PCSK2: variants seen among roughly 807,000 people sequenced by gnomAD.
The protein encoded by PCSK2 is proprotein convertase subtilisin/kexin type 2.
Under a neutral mutation model 69.7 loss-of-function variants are expected in PCSK2, and 14 were observed. That is an observed-to-expected ratio of 0.20 (90% CI 0.13 to 0.31). PCSK2 has a LOEUF of 0.31. PCSK2 is among the 10% of genes least tolerant of loss of function. The pLI, the probability that PCSK2 is intolerant of heterozygous loss-of-function variation, is 1.00. For missense variants in PCSK2, 544 were observed against 842.5 expected, an observed-to-expected ratio of 0.65 and a Z score of 4.39; for synonymous variants, 307 against 320.7, an observed-to-expected ratio of 0.96 and a Z score of 0.46.
At chr20:17,408,343 T>G (rs2031797105) in intron 5 of PCSK2, among the ~76,000 whole-genome samples, 1 of 151,780 alleles carries the variant, frequency 6.6e-6, no homozygotes, top group Non-Finnish European at 1.5e-5. Context: ...GTGGATCATC[T>G]CCCATTACAG....
chr20:17,417,964 G>A (rs1306297568), intron 6 of PCSK2, among the ~76,000 whole-genome samples: 1 of 152,150 alleles, frequency 6.6e-6, no homozygotes, highest in Admixed American at 6.5e-5. Flanking sequence ...ATAAAAAGAG[G>A]TAATAACAAA....
intron 6 of PCSK2, among the ~76,000 whole-genome samples, chr20:17,429,105 C>A (rs1349575609): frequency 1.4e-5 from 2 of 143,558 alleles, no homozygotes; most frequent in African/African-American, 2.6e-5. Context: ...CCATTGGAAT[C>A]TTTTGCATCT....
chr20:17,431,312 G>C (rs2032361313), intron 7 of PCSK2, among the ~76,000 whole-genome samples: 1 of 152,162 alleles, frequency 6.6e-6, no homozygotes, highest in African/African-American at 2.4e-5. Context: ...TCATTGTTCG[G>C]GGGTGCCGTC....
chr20:17,428,054 C>A (rs1299591133), intron 6 of PCSK2, among the ~76,000 whole-genome samples: 1 of 152,228 alleles, frequency 6.6e-6, no homozygotes, highest in Non-Finnish European at 1.5e-5. Flanking sequence ...TGGCTGATTG[C>A]TAATTAGTGT....
At position 17,356,437 on chromosome 20, in the gene PCSK2, C is replaced by T. The variant is rs532238937; in HGVS notation, c.283-1890C>T. Among the ~76,000 whole-genome samples the T allele has an allele frequency of 3.9e-5, 6 of 152,266 alleles. No homozygotes were observed. In the South Asian group the frequency reaches 1.2e-3, roughly 32 times the overall value. ...ATTTCTCTGGTAAATGAGCTTCAGG[C>T]CTTCTCATGTCAGTGTGCAGAGTAA... On this transcript the variant is annotated intron_variant, in intron 2 of 11. Transcript: ENST00000262545.
chr20:17,242,384 G>A (rs1986612960), intron 1 of PCSK2, among the ~76,000 whole-genome samples: 1 of 152,198 alleles, frequency 6.6e-6, no homozygotes, highest in Non-Finnish European at 1.5e-5. Flanking sequence ...TTATTAACAA[G>A]TGTGTGTTGA....
At chr20:17,390,922 T>C (rs1223422393) in intron 5 of PCSK2, among the ~76,000 whole-genome samples, 1 of 152,176 alleles carries the variant, frequency 6.6e-6, no homozygotes, top group East Asian at 1.9e-4. Context: ...CACCGTATCA[T>C]GCAACCTGCT....
At chr20:17,229,422 C>T (rs1248202065) in intron 1 of PCSK2, among the ~76,000 whole-genome samples, 1 of 149,058 alleles carries the variant, frequency 6.7e-6, no homozygotes, top group Admixed American at 6.6e-5. Context: ...CTCCCCCACA[C>T]CTTTTCATGG....
chr20:17,258,798 T>C, intron 1 of PCSK2, among the ~76,000 whole-genome samples: 1 of 103,004 alleles, frequency 9.7e-6, no homozygotes, highest in East Asian at 3.9e-4. Flanking sequence ...GTGTGTGTGT[T>C]TAAGCAAGGA....
chr20:17,388,531 A>G (rs1195002036), intron 5 of PCSK2, among the ~76,000 whole-genome samples: 5 of 152,184 alleles, frequency 3.3e-5, no homozygotes, highest in African/African-American at 7.2e-5. Context: ...AGGGACACCT[A>G]ACATAAGATG....
Position 17,482,341 on chromosome 20 carries a change from T to TTAA in PCSK2, c.*271_*272insTAA, listed in dbSNP as rs2033422425. 1 of 40,476 alleles carries TTAA rather than the reference T, an allele frequency of 2.5e-5. No individual in the cohort carries two copies. The highest frequency in any genetic ancestry group is 5.4e-5 in the Non-Finnish European group (1 of 18,406). 2.5% of individuals were successfully genotyped at this position (40,476 alleles called of 1,614,324 possible). ...TCTGTCATTCAAATGGGTGATATCC[T>TTAA]GAAAAAAAAAAAAAAAAAAAAACTG... On this transcript the variant is annotated 3_prime_UTR_variant, in exon 12 of 12. Transcript: ENST00000262545.
chr20:17,268,031 G>GTATATATATATATATATATATA (rs750234336), intron 2 of PCSK2, among the ~76,000 whole-genome samples: 26 of 117,960 alleles, frequency 2.2e-4, no homozygotes, highest in Non-Finnish European at 3.6e-4. Flanking sequence ...TATATCCAAT[G>GTATATATATATATATATATATA]TGTATATATA....
At chr20:17,436,573 G>T in intron 7 of PCSK2, 135 bp from the exon 8 acceptor site, 1 of 674,868 alleles carries the variant, frequency 1.5e-6, no homozygotes, top group Non-Finnish European at 2.6e-6. Flanking sequence ...TTGATCCCTG[G>T]ACTGCACAGT....
At chr20:17,422,236 A>G (rs914408272) in intron 6 of PCSK2, among the ~76,000 whole-genome samples, 3 of 152,222 alleles carry the variant, frequency 2.0e-5, no homozygotes, top group Non-Finnish European at 2.9e-5. Flanking sequence ...TACAGCAAAC[A>G]TTATTCTTCA....
At chr20:17,421,305 A>T (rs930328266) in intron 6 of PCSK2, among the ~76,000 whole-genome samples, 4 of 152,204 alleles carry the variant, frequency 2.6e-5, no homozygotes, top group Non-Finnish European at 5.9e-5. Context: ...AGACTCAGGG[A>T]CTTCCCCAGA....
chr20:17,386,656 A>G lies in PCSK2; in HGVS notation c.543+17379A>G, dbSNP rs113100065. ...GGGTTGAGGGGGAAAATAGGGAGTT[A>G]TTGTTTAATGGGTATAGAGTTTTAG... On this transcript the variant is annotated intron_variant, in intron 5 of 11. Transcript: ENST00000262545. 3.6e-3 allele frequency among the ~76,000 whole-genome samples: 553 copies of G among 152,258 alleles called. 3 individuals are homozygous for G. The highest frequency in any genetic ancestry group is 0.012 in the African/African-American group (504 of 41,558).
chr20:17,269,345 T>G (rs2123020567), intron 2 of PCSK2, among the ~76,000 whole-genome samples: 1 of 152,220 alleles, frequency 6.6e-6, no homozygotes, highest in South Asian at 2.1e-4. Flanking sequence ...AAGAGATAAC[T>G]GGGGACCAGC....
intron 2 of PCSK2, among the ~76,000 whole-genome samples, chr20:17,298,295 C>T (rs1988962703): frequency 6.6e-6 from 1 of 152,130 alleles, no homozygotes; most frequent in Admixed American, 6.6e-5. Flanking sequence ...CCTCCACAGT[C>T]TACATTTTAT....
intron 5 of PCSK2, among the ~76,000 whole-genome samples, chr20:17,406,468 T>A (rs781197881): frequency 6.6e-6 from 1 of 152,202 alleles, no homozygotes; most frequent in African/African-American, 2.4e-5. Flanking sequence ...TTATCATCCA[T>A]TTCAACATTC....
Sources: gnomAD v4.1 joint callset for allele counts (sites outside exome capture counted in the v4.1 genomes callset) on GRCh38, gnomAD v4.1.1 for gene constraint, MANE v1.5 for transcripts, NCBI Gene and HGNC (gene_info 2026-07-23, HGNC 2026-07-21) for gene names.